NAV2: variants seen among roughly 807,000 people sequenced by gnomAD.
NAV2 encodes helicase, APC down-regulated 1.
Under a neutral mutation model 223.2 loss-of-function variants are expected in NAV2, and 54 were observed. The observed-to-expected ratio is 0.24, with a 90% CI of 0.19 to 0.30. The LOEUF (loss-of-function observed/expected upper bound fraction) is 0.30. NAV2 is among the 10% of genes least tolerant of loss of function. The pLI, the probability that NAV2 is intolerant of heterozygous loss-of-function variation, is 1.00. For synonymous variants in NAV2, 1,279 were observed against 1,239.3 expected, an observed-to-expected ratio of 1.03 and a Z score of -0.67; for missense variants, 2,806 against 3,147.5, an observed-to-expected ratio of 0.89 and a Z score of 2.60.
intron 2 of NAV2, among the ~76,000 whole-genome samples, chr11:19,833,779 A>T (rs560425531): frequency 3.0e-4 from 46 of 152,160 alleles, no homozygotes; most frequent in African/African-American, 1.0e-3. Flanking sequence ...GTTTGCTTCT[A>T]TGTTCACTCA....
chr11:19,622,153 G>T (rs1197720933), intron 1 of NAV2, among the ~76,000 whole-genome samples: 1 of 152,172 alleles, frequency 6.6e-6, no homozygotes, highest in African/African-American at 2.4e-5. Flanking sequence ...TTTTACATTT[G>T]CTGAGGAGTG....
At chr11:19,759,531 C>A (rs1203928697) in intron 1 of NAV2, among the ~76,000 whole-genome samples, 12 of 152,108 alleles carry the variant, frequency 7.9e-5, no homozygotes, top group Admixed American at 7.9e-4. Flanking sequence ...CAAACAAATG[C>A]ACTTTTCCTG....
chr11:19,670,844 C>A (rs546588546), intron 1 of NAV2, among the ~76,000 whole-genome samples: 1 of 152,316 alleles, frequency 6.6e-6, no homozygotes, highest in African/African-American at 2.4e-5. Context: ...AATAATGACA[C>A]CCTGTCTTCC....
Position 19,713,657 on chromosome 11 carries a change from G to A in NAV2, c.-39G>A. 1 of 1,504,580 alleles carries A rather than the reference G, an allele frequency of 6.6e-7. No homozygotes were observed. The highest frequency in any genetic ancestry group is 2.2e-5 in the Admixed American group (1 of 46,174). 93.2% of individuals were successfully genotyped at this position (1,504,580 alleles called of 1,614,324 possible). A position where few individuals can be genotyped will look rare whatever the true frequency, so the allele number is the denominator to read the frequency against. On this transcript the variant is annotated 5_prime_UTR_variant, in exon 1 of 38. Coordinates refer to ENST00000349880, the MANE Select transcript of NAV2 (RefSeq NM_145117.5). This position sits in a 1 kb window ranked among gnomAD's most constrained non-coding sequence, Gnocchi z 7.2. ...TTTAGCGGTCGCCCCCGCCGCCGCT[G>A]CCAGGGACGTGCTGGGAAAGCCCAA...
chr11:19,429,792 T>A (rs1023842984), intron 1 of NAV2, among the ~76,000 whole-genome samples: 1 of 152,222 alleles, frequency 6.6e-6, no homozygotes, highest in Non-Finnish European at 1.5e-5. Flanking sequence ...GATTAAGTCC[T>A]GAGACCGTGC....
chr11:19,740,527 C>T (rs916804315), intron 1 of NAV2, among the ~76,000 whole-genome samples: 2 of 152,032 alleles, frequency 1.3e-5, no homozygotes, highest in South Asian at 2.1e-4. Context: ...GCCACATCCC[C>T]CTCTCTGAGA....
At chr11:19,407,731 A>G (rs537640049) in intron 1 of NAV2, among the ~76,000 whole-genome samples, 21 of 151,932 alleles carry the variant, frequency 1.4e-4, no homozygotes, top group Non-Finnish European at 2.6e-4. Flanking sequence ...TACCTTAAAA[A>G]GCAATCGCCA....
chr11:19,539,547 G>A (rs954566046), intron 1 of NAV2, among the ~76,000 whole-genome samples: 18 of 152,006 alleles, frequency 1.2e-4, no homozygotes, highest in African/African-American at 4.4e-4. Flanking sequence ...GTAAACTTAG[G>A]TACATACATC....
At chr11:19,527,504 A>C (rs1223614915) in intron 1 of NAV2, among the ~76,000 whole-genome samples, 1 of 151,836 alleles carries the variant, frequency 6.6e-6, no homozygotes, top group Non-Finnish European at 1.5e-5. Context: ...TAACTTTCCC[A>C]AGTCTGTATC....
intron 4 of NAV2, among the ~76,000 whole-genome samples, chr11:19,878,832 G>T (rs1177025910): frequency 6.6e-6 from 1 of 152,164 alleles, no homozygotes; most frequent in Non-Finnish European, 1.5e-5. Context: ...TCCTTCACTA[G>T]CAGCCTCTTT....
chr11:20,001,166 C>T (rs1377826400), intron 11 of NAV2, among the ~76,000 whole-genome samples: 1 of 152,132 alleles, frequency 6.6e-6, no homozygotes, highest in Admixed American at 6.5e-5. Flanking sequence ...CATGCCTTTG[C>T]CCCCTGGGAT....
intron 19 of NAV2, among the ~76,000 whole-genome samples, chr11:20,061,351 C>CCTGAGGCTGGGTGGATCAT (rs1564959088): frequency 6.6e-6 from 1 of 152,046 alleles, no homozygotes; most frequent in African/African-American, 2.4e-5. Flanking sequence ...GGGTGGATCA[C>CCTGAGGCTGGGTGGATCAT]CTGAGACTGG....
Position 19,881,878 on chromosome 11 carries a change from A to G in NAV2, c.770+1751A>G, listed in dbSNP as rs142536033. ...GGTAAGCTTGGTGTGTTGGAAGAGC[A>G]TAAACAAGGTTATTATAGCTTAGTA... is the stretch of plus-strand genomic sequence containing the variant. On this transcript the variant is annotated intron_variant, in intron 5 of 37. Transcript: ENST00000349880. 2.8e-4 allele frequency among the ~76,000 whole-genome samples: 43 copies of G among 152,300 alleles called. 1 individual carries two copies. In the East Asian group the frequency reaches 7.7e-3, roughly 27 times the overall value.
intron 1 of NAV2, among the ~76,000 whole-genome samples, chr11:19,604,659 T>A (rs1351918421): frequency 2.0e-5 from 3 of 152,210 alleles, no homozygotes; most frequent in Non-Finnish European, 2.9e-5. Context: ...GGCACTTTTA[T>A]CCCTCTATTT....
chr11:19,930,772 G>A (rs1207991097), intron 6 of NAV2, among the ~76,000 whole-genome samples: 5 of 152,162 alleles, frequency 3.3e-5, no homozygotes, highest in Admixed American at 3.3e-4. Context: ...TAAAGGGAAA[G>A]GCAGTTTTCC....
At chr11:19,422,690 C>T (rs1850667741) in intron 1 of NAV2, among the ~76,000 whole-genome samples, 1 of 152,224 alleles carries the variant, frequency 6.6e-6, no homozygotes, top group Non-Finnish European at 1.5e-5. Context: ...CAGAAGATTA[C>T]ATTGGAATCG....
intron 1 of NAV2, among the ~76,000 whole-genome samples, chr11:19,687,728 G>A (rs2049061015): frequency 6.6e-6 from 1 of 151,978 alleles, no homozygotes; most frequent in Non-Finnish European, 1.5e-5. Flanking sequence ...AGAGAAAAGG[G>A]ATGTGTGTAC....
intron 1 of NAV2, among the ~76,000 whole-genome samples, chr11:19,421,685 A>G (rs1318481331): frequency 4.0e-5 from 6 of 148,310 alleles, no homozygotes; most frequent in Admixed American, 4.0e-4. Context: ...GAGGCTGGAA[A>G]TGGTGGGAGA....
chr11:19,730,286 C>T (rs2051636704), intron 1 of NAV2, among the ~76,000 whole-genome samples: 1 of 152,196 alleles, frequency 6.6e-6, no homozygotes, highest in Non-Finnish European at 1.5e-5. Flanking sequence ...GTCAACAATC[C>T]AGCCTTCAGT....
Sources: gnomAD v4.1 joint callset for allele counts (sites outside exome capture counted in the v4.1 genomes callset) on GRCh38, gnomAD v4.1.1 for gene constraint, Gnocchi (gnomAD v3.1) non-coding constraint, MANE v1.5 for transcripts, NCBI Gene and HGNC (gene_info 2026-07-23, HGNC 2026-07-21) for gene names.